The following DMD variants were observed in gnomAD, a reference collection of about 807,000 sequenced individuals.
DMD encodes the protein dystrophin, also known as mutant dystrophin.
In DMD, 63 loss-of-function variants were observed where a neutral mutation model predicts 330.1. The observed-to-expected ratio is 0.19, with a 90% CI of 0.16 to 0.24. The LOEUF is 0.24. DMD is among the 10% of genes least tolerant of loss of function. The pLI, the probability that DMD is intolerant of heterozygous loss-of-function variation, is 1.00. For missense variants in DMD, 3,344 were observed against 2,684.1 expected, an observed-to-expected ratio of 1.25 and a Z score of -5.43; for synonymous variants, 1,223 against 959.8, an observed-to-expected ratio of 1.27 and a Z score of -5.07.
rs1410212911 is a variant in DMD, at chrX:31,943,927, G to GAGAGAGAGAA, written c.6615-11701_6615-11700insTTCTCTCTCT. On this transcript the variant is annotated intron_variant, in intron 45 of 78. Coordinates refer to ENST00000357033, the MANE Select transcript of DMD (RefSeq NM_004006.3). ...AGAGAGAGAGAGAGAGAGAGAGAGA[G>GAGAGAGAGAA]AAAAGGGAACATTTTGATCATCACT... Among the ~76,000 whole-genome samples the GAGAGAGAGAA allele has an allele frequency of 2.0e-5, 2 of 98,974 alleles. 1 individual carries two copies. Among genetic ancestry groups the GAGAGAGAGAA allele is most frequent in the East Asian group, 6.7e-4 (2 of 3,004 alleles). The allele number at this position is 98,974 out of a possible 115,157, so 85.9% of individuals were successfully genotyped here.
At chrX:31,170,700 A>T (rs1421960632) in intron 73 of DMD, among the ~76,000 whole-genome samples, 1 of 111,992 alleles carries the variant, frequency 8.9e-6, no homozygotes, top group African/African-American at 3.2e-5. Flanking sequence ...TATTAAAAAC[A>T]CACATTTAAG....
chrX:31,869,186 T>C (rs1160383255), intron 48 of DMD, among the ~76,000 whole-genome samples: 2 of 111,414 alleles, frequency 1.8e-5, no homozygotes, highest in African/African-American at 6.5e-5. Flanking sequence ...TTCCAGCTAA[T>C]CACACTTAAA....
At chrX:32,345,807 AG>A (rs1177889745) in intron 39 of DMD, 135 bp downstream of exon 39, 1 of 608,313 alleles carries the variant, frequency 1.6e-6, no homozygotes, top group Non-Finnish European at 2.5e-6. Context: ...TGTTAAATAA[AG>A]CATACACATT....
intron 1 of DMD, among the ~76,000 whole-genome samples, chrX:33,229,081 T>C (rs1442322004): frequency 1.8e-5 from 2 of 111,210 alleles, no homozygotes; most frequent in African/African-American, 6.5e-5. Context: ...ATTTTTGCTT[T>C]TGAGTTTTCT....
At chrX:31,217,392 A>C (rs974914925) in intron 64 of DMD, among the ~76,000 whole-genome samples, 8 of 111,760 alleles carry the variant, frequency 7.2e-5, no homozygotes, top group Middle Eastern at 4.6e-3. Context: ...CAATTGGGTT[A>C]TTTGGCTTTC....
chrX:31,177,607 T>C (rs1011482076), intron 71 of DMD, among the ~76,000 whole-genome samples: 2 of 110,976 alleles, frequency 1.8e-5, no homozygotes, highest in Non-Finnish European at 3.8e-5. Flanking sequence ...TGAAGAAATA[T>C]ATAAACATGT....
intron 7 of DMD, among the ~76,000 whole-genome samples, chrX:32,737,945 G>T (rs916743116): frequency 2.7e-5 from 3 of 111,623 alleles, no homozygotes; most frequent in African/African-American, 9.7e-5. Flanking sequence ...TGATATAACA[G>T]GAATTTTAGG....
At chrX:31,929,855 G>A (rs751145289) in intron 46 of DMD, 110 bp from the exon 47 acceptor site, 2 of 936,315 alleles carry the variant, frequency 2.1e-6, no homozygotes, top group African/African-American at 1.9e-5. Context: ...TTGACCGAGG[G>A]CCCAGTGGTA....
At chrX:32,360,166 T>C (rs1177877362) in intron 37 of DMD, among the ~76,000 whole-genome samples, 1 of 112,100 alleles carries the variant, frequency 8.9e-6, no homozygotes, top group East Asian at 2.8e-4. Flanking sequence ...GAATTAGTGT[T>C]AAACATATTT....
intron 76 of DMD, among the ~76,000 whole-genome samples, chrX:31,135,527 G>A (rs1316541130): frequency 8.9e-6 from 1 of 111,853 alleles, no homozygotes; most frequent in Non-Finnish European, 1.9e-5. Flanking sequence ...GACTGTTTAT[G>A]TGAGGAGAGA....
intron 2 of DMD, among the ~76,000 whole-genome samples, chrX:32,861,356 T>TA (rs1193575348): frequency 1.8e-5 from 2 of 111,691 alleles, no homozygotes; most frequent in African/African-American, 6.6e-5. Flanking sequence ...AGATGTCTGG[T>TA]ATGGTACCTA....
intron 2 of DMD, among the ~76,000 whole-genome samples, chrX:33,009,320 GTGTATATGTGTATATA>G (rs2093535706): frequency 2.5e-5 from 1 of 39,296 alleles, no homozygotes; most frequent in Non-Finnish European, 5.6e-5. Context: ...GTGTGTATAT[GTGTATATGTGTATATA>G]CACGTGTATA....
chrX:32,588,259 CCAAA>C (rs1256709754), intron 13 of DMD, among the ~76,000 whole-genome samples: 3 of 111,507 alleles, frequency 2.7e-5, no homozygotes, highest in African/African-American at 9.8e-5. Context: ...TGATCGGTGC[CCAAA>C]CAGACACAAT....
chrX:32,694,075 T>A (rs2063474832), intron 9 of DMD, among the ~76,000 whole-genome samples: 1 of 111,962 alleles, frequency 8.9e-6, no homozygotes, highest in Non-Finnish European at 1.9e-5. Flanking sequence ...TTTAATGTAG[T>A]TAGGTATCTT....
intron 47 of DMD, among the ~76,000 whole-genome samples, chrX:31,880,228 A>G (rs115118341): frequency 0.025 from 2,759 of 112,045 alleles, 76 homozygotes; most frequent in African/African-American, 0.085. Context: ...AACTGGAATA[A>G]AATATTGGCG....
At chrX:32,954,388 G>A (rs1168425293) in intron 2 of DMD, among the ~76,000 whole-genome samples, 2 of 111,794 alleles carry the variant, frequency 1.8e-5, no homozygotes, top group Non-Finnish European at 3.8e-5. Flanking sequence ...GCTGATGGTG[G>A]TAGTGGTGGT....
At chrX:33,158,444 C>A (rs1361043403) in intron 1 of DMD, among the ~76,000 whole-genome samples, 1 of 111,258 alleles carries the variant, frequency 9.0e-6, no homozygotes, top group Non-Finnish European at 1.9e-5. Flanking sequence ...ATTCGGTCCC[C>A]TCAGGCCTGT....
At position 32,654,393 on chromosome X, in the gene DMD, A is replaced by C. The variant is rs148233656; in HGVS notation, c.961-9241T>G. On this transcript the variant is annotated intron_variant, in intron 9 of 78. Coordinates refer to ENST00000357033, the MANE Select transcript of DMD (RefSeq NM_004006.3). ...GAATTTTGTCAAAGGCCTTTTCTGCATCTATGGAGATAATCATGTGGTTTC... is the reference window on the plus strand; with the variant it reads ...GAATTTTGTCAAAGGCCTTTTCTGCCTCTATGGAGATAATCATGTGGTTTC... Among the ~76,000 whole-genome samples the C allele has an allele frequency of 3.6e-5, 4 of 111,962 alleles. No individual in the cohort carries two copies. In the East Asian group the frequency reaches 1.1e-3, roughly 31 times the overall value.
chrX:32,547,678 A>T (rs1357001777), intron 16 of DMD, among the ~76,000 whole-genome samples: 1 of 111,355 alleles, frequency 9.0e-6, no homozygotes, highest in Non-Finnish European at 1.9e-5. Flanking sequence ...TATAACTATT[A>T]TTGACACTTA....
Sources: allele counts gnomAD v4.1 joint callset (sites outside exome capture counted in the v4.1 genomes callset), GRCh38; gene constraint gnomAD v4.1.1; transcripts MANE v1.5; gene names NCBI Gene and HGNC (gene_info 2026-07-23, HGNC 2026-07-21).